XPNPEP3: variants seen among roughly 807,000 people sequenced by gnomAD.
XPNPEP3 encodes X-prolyl aminopeptidase 3.
In XPNPEP3, 41 loss-of-function variants were observed where a neutral mutation model predicts 60.0. The observed-to-expected ratio is 0.68, with a 90% CI of 0.53 to 0.89. The LOEUF is 0.89. Ranked by LOEUF, XPNPEP3 falls within the 40% of genes least tolerant of loss-of-function variation. XPNPEP3 has a pLI of 0.00. For synonymous variants in XPNPEP3, 212 were observed against 223.2 expected (o/e 0.95, Z 0.45); for missense variants, 598 against 638.9 (o/e 0.94, Z 0.69).
At chr22:40,921,910 G>T (rs1291888884) in intron 7 of XPNPEP3, among the ~76,000 whole-genome samples, 2 of 151,936 alleles carry the variant, frequency 1.3e-5, no homozygotes, top group African/African-American at 4.8e-5. Context: ...TAGTAGCCCA[G>T]ATGTTGACTA....
chr22:40,931,266 A>G lies in XPNPEP3; in HGVS notation c.*4831A>G, dbSNP rs1176062305. ...GAATTTTTCTCCCTGAATTGAAGAT[A>G]CATGGTTAGATCATTAACAATACCA... On this transcript the variant is annotated 3_prime_UTR_variant, in exon 10 of 10. Coordinates refer to ENST00000357137, the MANE Select transcript of XPNPEP3 (RefSeq NM_022098.4). The G allele has an allele frequency of 6.6e-6, 1 of 152,250 alleles. No homozygotes were observed. Among genetic ancestry groups the G allele is most frequent in the Admixed American group, 6.5e-5 (1 of 15,278 alleles). 9.4% of individuals were successfully genotyped at this position (152,250 alleles called of 1,614,324 possible). A position where few individuals can be genotyped will look rare whatever the true frequency, so the allele number is the denominator to read the frequency against.
chr22:40,857,171 G>A lies in XPNPEP3; in HGVS notation c.-11G>A. 1 of 1,614,170 alleles carries A rather than the reference G, an allele frequency of 6.2e-7. No homozygotes were observed. Among genetic ancestry groups the A allele is most frequent in the South Asian group, 1.1e-5 (1 of 91,080 alleles). ...CCCTCTTTCTCTTCCCGACGCGTGA[G>A]TTAGGCCGTAATGCCTTGGCTGCTC... On this transcript the variant is annotated 5_prime_UTR_variant, in exon 1 of 10. Coordinates refer to ENST00000357137, the MANE Select transcript of XPNPEP3 (RefSeq NM_022098.4).
intron 6 of XPNPEP3, among the ~76,000 whole-genome samples, chr22:40,910,860 T>G (rs1006832764): frequency 4.0e-5 from 6 of 151,728 alleles, no homozygotes; most frequent in African/African-American, 1.5e-4. Context: ...AAAAAAAAAT[T>G]AGCTGGGTGT....
intron 2 of XPNPEP3, among the ~76,000 whole-genome samples, chr22:40,873,686 C>G (rs2058016815): frequency 6.6e-6 from 1 of 152,010 alleles, no homozygotes; most frequent in African/African-American, 2.4e-5. Flanking sequence ...AATCCCAGCA[C>G]TTTGGGAAGC....
At chr22:40,879,183 G>A (rs1569019046) in intron 2 of XPNPEP3, among the ~76,000 whole-genome samples, 1 of 152,080 alleles carries the variant, frequency 6.6e-6, no homozygotes, top group Non-Finnish European at 1.5e-5. Context: ...AATCTTGAAA[G>A]AAAAAAATGT....
At chr22:40,899,657 A>G (rs2146263876) in intron 4 of XPNPEP3, among the ~76,000 whole-genome samples, 1 of 151,998 alleles carries the variant, frequency 6.6e-6, no homozygotes, top group African/African-American at 2.4e-5. Context: ...CATCTCTACT[A>G]AAAATACAAA....
At chr22:40,873,496 C>G (rs1056952757) in intron 2 of XPNPEP3, among the ~76,000 whole-genome samples, 1 of 152,078 alleles carries the variant, frequency 6.6e-6, no homozygotes, top group Admixed American at 6.6e-5. Flanking sequence ...GATGCTTTCA[C>G]CATTTACCGT....
At chr22:40,881,647 G>T in intron 2 of XPNPEP3, 123 bp from the exon 3 acceptor site, 1 of 1,139,552 alleles carries the variant, frequency 8.8e-7, no homozygotes, top group Non-Finnish European at 1.3e-6. Context: ...TTCTCCATGT[G>T]CTGTGAGGAG....
intron 4 of XPNPEP3, among the ~76,000 whole-genome samples, chr22:40,886,890 T>C: frequency 6.6e-6 from 1 of 151,190 alleles, no homozygotes; most frequent in East Asian, 1.9e-4. Flanking sequence ...AATCGTAAGC[T>C]CTTGAGGTCG....
Position 40,930,498 on chromosome 22 carries a change from T to C in XPNPEP3, c.*4063T>C, listed in dbSNP as rs553266845. The C allele has an allele frequency of 4.6e-5, 7 of 152,236 alleles. No individual in the cohort carries two copies. The highest frequency in any genetic ancestry group is 1.0e-4 in the Non-Finnish European group (7 of 68,008). 9.4% of individuals were successfully genotyped at this position (152,236 alleles called of 1,614,324 possible). On this transcript the variant is annotated 3_prime_UTR_variant, in exon 10 of 10. Transcript: ENST00000357137. ...GTAAATAATGATGTTTTGATACATATATAATGATCAGATCAGAACAATTAG... is the reference window on the plus strand; with the variant it reads ...GTAAATAATGATGTTTTGATACATACATAATGATCAGATCAGAACAATTAG...
chr22:40,878,387 A>G (rs1449943792), intron 2 of XPNPEP3, among the ~76,000 whole-genome samples: 1 of 152,026 alleles, frequency 6.6e-6, no homozygotes, highest in Non-Finnish European at 1.5e-5. Flanking sequence ...GATTCAGCAA[A>G]CATAGGAATA....
intron 3 of XPNPEP3, among the ~76,000 whole-genome samples, chr22:40,883,168 TC>T (rs2058055167): frequency 6.6e-6 from 1 of 152,156 alleles, no homozygotes; most frequent in South Asian, 2.1e-4. Context: ...TGCCAGCTCT[TC>T]AAAAGGAGGT....
At chr22:40,892,284 A>G (rs1465579837) in intron 4 of XPNPEP3, among the ~76,000 whole-genome samples, 1 of 152,086 alleles carries the variant, frequency 6.6e-6, no homozygotes, top group East Asian at 1.9e-4. Flanking sequence ...TCCCAGGTTC[A>G]AGGGATTCTT....
At chr22:40,888,773 T>TA (rs961636232) in intron 4 of XPNPEP3, among the ~76,000 whole-genome samples, 1 of 152,132 alleles carries the variant, frequency 6.6e-6, no homozygotes, top group Non-Finnish European at 1.5e-5. Flanking sequence ...ATTTTATGTT[T>TA]AATATTTTGA....
At chr22:40,885,967 G>A (rs1322766826) in intron 3 of XPNPEP3, among the ~76,000 whole-genome samples, 1 of 152,098 alleles carries the variant, frequency 6.6e-6, no homozygotes, top group Admixed American at 6.5e-5. Context: ...GGGCAACAGA[G>A]CAAGACTCCA....
chr22:40,924,742 C>T (rs896741867), intron 9 of XPNPEP3, among the ~76,000 whole-genome samples: 7 of 152,074 alleles, frequency 4.6e-5, no homozygotes, highest in African/African-American at 1.7e-4. Context: ...AGGCTGGTCT[C>T]GAACTCCTGA....
intron 4 of XPNPEP3, among the ~76,000 whole-genome samples, chr22:40,900,686 T>C (rs1277233070): frequency 6.6e-6 from 1 of 152,090 alleles, no homozygotes; most frequent in African/African-American, 2.4e-5. Flanking sequence ...CCCAACACTT[T>C]GAGAGGCCAA....
At chr22:40,909,663 G>T (rs768276550) in intron 6 of XPNPEP3, among the ~76,000 whole-genome samples, 20 of 152,086 alleles carry the variant, frequency 1.3e-4, no homozygotes, top group Non-Finnish European at 2.5e-4. Flanking sequence ...TACTCTGGAG[G>T]CTGAGGCAGG....
chr22:40,869,121 G>A lies in XPNPEP3; in HGVS notation c.181+6G>A. 6.2e-7 allele frequency: 1 copy of A among 1,610,038 alleles called. No homozygotes were observed. The highest frequency in any genetic ancestry group is 8.5e-7 in the Non-Finnish European group (1 of 1,176,448). On this transcript the variant is annotated splice_donor_region_variant and intron_variant, in intron 2 of 9. Transcript: ENST00000357137. Reference sequence around the variant, plus strand: ...CCCACACCTCCTCAGACCAGGTAAGGCCTTTTAACTGTGCTATCTCCCCAT... The same window carrying A: ...CCCACACCTCCTCAGACCAGGTAAGACCTTTTAACTGTGCTATCTCCCCAT...
Sources: gnomAD v4.1 joint callset for allele counts (sites outside exome capture counted in the v4.1 genomes callset) on GRCh38, gnomAD v4.1.1 for gene constraint, MANE v1.5 for transcripts, NCBI Gene and HGNC (gene_info 2026-07-23, HGNC 2026-07-21) for gene names.